Variants in DNAH14 observed in about 807,000 individuals in gnomAD.
DNAH14 encodes the protein axonemal beta dynein heavy chain 14.
DNAH14 carries 478 observed loss-of-function variants against 520.9 expected under a neutral mutation model. That is an observed-to-expected ratio of 0.92 (90% CI 0.85 to 0.99). The LOEUF is 0.99. Ranked by LOEUF, DNAH14 falls within the 50% of genes least tolerant of loss-of-function variation. The pLI is 0.00. For synonymous variants in DNAH14, 1,581 were observed against 1,757.2 expected, an observed-to-expected ratio of 0.90 and a Z score of 2.51; for missense variants, 4,831 against 5,234.5, an observed-to-expected ratio of 0.92 and a Z score of 2.38.
At chr1:225,373,117 T>G (rs922832996) in intron 77 of DNAH14, among the ~76,000 whole-genome samples, 6 of 147,192 alleles carry the variant, frequency 4.1e-5, no homozygotes, top group African/African-American at 7.4e-5. Context: ...TGAACATTGA[T>G]AGCCGATGTA....
At chr1:225,167,030 G>A (rs1359429798) in intron 35 of DNAH14, among the ~76,000 whole-genome samples, 1 of 152,156 alleles carries the variant, frequency 6.6e-6, no homozygotes, top group East Asian at 1.9e-4. Context: ...ATTCAGGTAG[G>A]TATCTAGGCT....
chr1:225,277,217 A>G (rs1362189379), intron 53 of DNAH14, among the ~76,000 whole-genome samples, 193 bp from the exon 54 acceptor site: 1 of 151,916 alleles, frequency 6.6e-6, no homozygotes, highest in Admixed American at 6.6e-5. Flanking sequence ...ACTCACAAGA[A>G]CATTAGCATA....
intron 36 of DNAH14, among the ~76,000 whole-genome samples, chr1:225,173,870 A>T (rs1303603868): frequency 1.3e-5 from 2 of 152,364 alleles, no homozygotes; most frequent in Admixed American, 6.5e-5. Flanking sequence ...CAAATGTCCA[A>T]CAATGATAGA....
At chr1:225,047,624 C>T (rs1243664623) in intron 15 of DNAH14, among the ~76,000 whole-genome samples, 2 of 152,206 alleles carry the variant, frequency 1.3e-5, no homozygotes, top group East Asian at 3.8e-4. Context: ...CCTAAGGACA[C>T]ACTTCTCAGA....
chr1:225,324,849 A>G lies in DNAH14; in HGVS notation c.9723+17A>G. 1 of 1,538,974 alleles carries G rather than the reference A, an allele frequency of 6.5e-7. No homozygotes were observed. The highest frequency in any genetic ancestry group is 8.8e-7 in the Non-Finnish European group (1 of 1,136,144). ...TTACAGCTGGTAAGAAATACAGTTC[A>G]GTTCTCAAAATAAGACAAAACACCA... On this transcript the variant is annotated intron_variant, in intron 64 of 85. Coordinates refer to ENST00000682510, the MANE Select transcript of DNAH14 (RefSeq NM_001367479.1).
In DNAH14 at chr1:225,209,771, G is replaced by T. The variant is rs555514302; in HGVS notation, c.6439+2551G>T. 6.6e-5 allele frequency among the ~76,000 whole-genome samples: 10 copies of T among 152,312 alleles called. 1 individual carries two copies. The East Asian group carries it at 1.9e-3, about 29-fold the overall frequency. ...CCAGCGAGATCAACGCAGAAGGTGGGTGATTTCTGCATTTCCAACTGAGGT... is the reference window on the plus strand; with the variant it reads ...CCAGCGAGATCAACGCAGAAGGTGGTTGATTTCTGCATTTCCAACTGAGGT... On this transcript the variant is annotated intron_variant, in intron 41 of 85. Transcript: ENST00000682510.
In DNAH14 at chr1:225,050,244, G is replaced by A; in HGVS notation, c.1947G>A (p.Leu649=). 1 of 1,548,112 alleles carries A rather than the reference G, an allele frequency of 6.5e-7. No homozygotes were observed. Among genetic ancestry groups the A allele is most frequent in the Non-Finnish European group, 8.7e-7 (1 of 1,145,948 alleles). Residue 649 remains leucine, a synonymous_variant, in exon 16 of 86, where the codon CTG becomes CTA. Transcript: ENST00000682510. ...CTCCTCTTTGCCAAGATCCCCAGCT[G>A]TCTATCTTCATTGATTTGGTTTCAA... The part of the protein sequence containing the change: ...TITPLCQDPQ[L]SIFIDLVSIM...
intron 31 of DNAH14, 138 bp downstream of exon 31, chr1:225,147,387 G>C (rs2080052730): frequency 5.0e-6 from 4 of 800,416 alleles, no homozygotes; most frequent in Admixed American, 3.7e-5. Context: ...ATACCAAAAG[G>C]AATGGCAGTT....
intron 38 of DNAH14, among the ~76,000 whole-genome samples, chr1:225,201,057 CTTA>C (rs1359786320): frequency 6.6e-6 from 1 of 151,140 alleles, no homozygotes; most frequent in African/African-American, 2.4e-5. Flanking sequence ...ATATTTTCTT[CTTA>C]TTATTATTAT....
intron 85 of DNAH14, 136 bp downstream of exon 85, chr1:225,398,802 A>G: frequency 2.4e-6 from 3 of 1,254,398 alleles, no homozygotes; most frequent in Non-Finnish European, 3.2e-6. Context: ...AAGATTTTAA[A>G]TCTCCCAAAA....
Position 225,301,040 on chromosome 1 carries a change from T to C in DNAH14, c.8631+10T>C. On this transcript the variant is annotated intron_variant, in intron 56 of 85. Transcript: ENST00000682510. ...TTCATTCTTTCAAAAGGTACTTTTTTGTGACTTGGCTTTATCAAATTGTCA... is the reference window on the plus strand; with the variant it reads ...TTCATTCTTTCAAAAGGTACTTTTTCGTGACTTGGCTTTATCAAATTGTCA... 1 of 1,546,148 alleles carries C rather than the reference T, an allele frequency of 6.5e-7. No homozygotes were observed. The highest frequency in any genetic ancestry group is 8.7e-7 in the Non-Finnish European group (1 of 1,145,054).
chr1:225,286,604 G>T (rs945167029), intron 54 of DNAH14, among the ~76,000 whole-genome samples: 4 of 152,110 alleles, frequency 2.6e-5, no homozygotes, highest in African/African-American at 9.7e-5. Context: ...CAGAGCAATA[G>T]GAACTCTCAT....
rs2094798790 is a variant in DNAH14 at position 225,331,563 on chromosome 1, C to T, written c.9850C>T (p.Leu3284=). ...GTGTGCGTCAGTCTTACTAACTGTC[C>T]TGGAAGATGAGAAGGCATGACTTAC... is the stretch of plus-strand genomic sequence containing the variant. The part of the protein sequence containing the change: ...FQCASVLLTV[L]EDEKTRWQET... Residue 3284 remains leucine (L), a synonymous_variant, in exon 65 of 86, where the codon CTG becomes TTG. Transcript: ENST00000682510. 1 of 1,551,288 alleles carries T rather than the reference C, an allele frequency of 6.4e-7. No individual in the cohort carries two copies. Among genetic ancestry groups the T allele is most frequent in the Admixed American group, 2.0e-5 (1 of 50,962 alleles).
At chr1:225,204,126 TGTA>T in intron 38 of DNAH14, 54 bp from the exon 39 acceptor site, 1 of 875,916 alleles carries the variant, frequency 1.1e-6, no homozygotes, top group Non-Finnish European at 1.7e-6. Flanking sequence ...TATAATCCAT[TGTA>T]GTTGAAAAGT....
Position 225,050,320 on chromosome 1 carries a change from A to G in DNAH14, c.2023A>G (p.Thr675Ala). ...TGSIIHYKEQ[T>A]RWPDCHILFE... ...AAGCATAATACATTATAAAGAGCAGACCAGATGGCCAGATTGTCACATCCT... is the reference window on the plus strand; with the variant it reads ...AAGCATAATACATTATAAAGAGCAGGCCAGATGGCCAGATTGTCACATCCT... The change falls in exon 16 of 86, where the codon ACC becomes GCC. Residue 675 changes from threonine to alanine, a missense_variant. Physicochemically the swap from Thr to Ala is moderately conservative, Grantham distance 58 (BLOSUM62 0). Transcript: ENST00000682510. 1 of 1,548,606 alleles carries G rather than the reference A, an allele frequency of 6.5e-7. No homozygotes were observed. Among genetic ancestry groups the G allele is most frequent in the Non-Finnish European group, 8.7e-7 (1 of 1,146,024 alleles).
intron 1 of DNAH14, among the ~76,000 whole-genome samples, chr1:224,938,373 G>A (rs2059177745): frequency 6.6e-6 from 1 of 152,068 alleles, no homozygotes; most frequent in African/African-American, 2.4e-5. Context: ...ATTAAAAATA[G>A]ACAAAAGATA....
chr1:225,185,548 G>A, intron 37 of DNAH14, 123 bp downstream of exon 37: 1 of 1,064,618 alleles, frequency 9.4e-7, no homozygotes, highest in South Asian at 2.3e-5. Flanking sequence ...TAGGAATTTT[G>A]TAGTTAAGAA....
At chr1:225,216,451 G>C (rs1164207745) in intron 41 of DNAH14, among the ~76,000 whole-genome samples, 1 of 152,188 alleles carries the variant, frequency 6.6e-6, no homozygotes, top group Non-Finnish European at 1.5e-5. Context: ...TGCCTTGCTA[G>C]GTTGTGGAAG....
At chr1:224,943,735 C>T (rs548971697) in intron 1 of DNAH14, among the ~76,000 whole-genome samples, 18 of 152,162 alleles carry the variant, frequency 1.2e-4, no homozygotes, top group African/African-American at 4.3e-4. Context: ...TTTATTTCTG[C>T]CTTCATTTCA....
Sources: allele counts gnomAD v4.1 joint callset (sites outside exome capture counted in the v4.1 genomes callset), GRCh38; gene constraint gnomAD v4.1.1; transcripts MANE v1.5; gene names NCBI Gene and HGNC (gene_info 2026-07-23, HGNC 2026-07-21).